Variants in TTC27 observed in about 807,000 individuals in gnomAD.
TTC27 encodes tetratricopeptide repeat domain 27, also known as tetratricopeptide repeat protein 27.
A neutral mutation model predicts 115.9 loss-of-function variants in TTC27; 79 were observed. The observed-to-expected ratio is 0.68, with a 90% CI of 0.57 to 0.82. TTC27 has a LOEUF of 0.82. Ranked by LOEUF, TTC27 falls within the 40% of genes least tolerant of loss-of-function variation. TTC27 has a pLI of 0.00. For missense variants in TTC27, 1,054 were observed against 993.1 expected (o/e 1.06, Z -0.82); for synonymous variants, 401 against 356.0 (o/e 1.13, Z -1.42).
At chr2:32,698,162 C>G (rs1484424651) in intron 9 of TTC27, among the ~76,000 whole-genome samples, 21 of 152,096 alleles carry the variant, frequency 1.4e-4, no homozygotes, top group Admixed American at 1.4e-3. Flanking sequence ...TACAGGGTCT[C>G]ACTCTGTTCA....
At chr2:32,666,405 G>A (rs1665777918) in intron 6 of TTC27, among the ~76,000 whole-genome samples, 1 of 148,502 alleles carries the variant, frequency 6.7e-6, no homozygotes, top group Non-Finnish European at 1.5e-5. Flanking sequence ...GCAAAAATTA[G>A]TATGTGGACT....
chr2:32,758,190 A>C, intron 12 of TTC27, 102 bp from the exon 13 acceptor site: 1 of 1,063,970 alleles, frequency 9.4e-7, no homozygotes, highest in East Asian at 2.5e-5. Context: ...AAACGTTGAA[A>C]ATAAAAATTT....
In TTC27 at chr2:32,630,539, A is replaced by G. The variant is rs1407501714; in HGVS notation, c.105A>G (p.Leu35=). ...GVVGSESGSF[L]QLLLEGNYEA... ...ATATTACAGAGAGTGGATCTTTCCT[A>G]CAATTGCTACTGGAAGGGAACTATG... The change falls in exon 2 of 20, where the codon CTA becomes CTG. Residue 35 remains leucine, a synonymous_variant. Transcript: ENST00000317907. 4 of 1,606,874 alleles carry G rather than the reference A, an allele frequency of 2.5e-6. No individual in the cohort carries two copies. The highest frequency in any genetic ancestry group is 2.5e-6 in the Non-Finnish European group (3 of 1,177,518).
intron 3 of TTC27, 81 bp downstream of exon 3, chr2:32,634,086 A>G: frequency 6.9e-7 from 1 of 1,445,326 alleles, no homozygotes; most frequent in Non-Finnish European, 9.3e-7. Context: ...ACTGGAACTC[A>G]TAGTAGGAAA....
At chr2:32,673,225 A>ATT (rs35513295) in intron 8 of TTC27, among the ~76,000 whole-genome samples, 7,609 of 132,430 alleles carry the variant, frequency 0.057, 341 homozygotes, top group African/African-American at 0.11. Context: ...CACCTTATGC[A>ATT]TTTTTTTTTT....
intron 12 of TTC27, among the ~76,000 whole-genome samples, chr2:32,744,786 C>A (rs1027142464): frequency 1.3e-5 from 2 of 152,066 alleles, no homozygotes; most frequent in African/African-American, 4.8e-5. Context: ...CGTGGTGGCT[C>A]CCGCCTGTAA....
chr2:32,782,883 A>G (rs1208351633), intron 15 of TTC27, among the ~76,000 whole-genome samples: 1 of 152,206 alleles, frequency 6.6e-6, no homozygotes, highest in African/African-American at 2.4e-5. Context: ...AAAACATTTC[A>G]TATGTAATAA....
intron 16 of TTC27, among the ~76,000 whole-genome samples, chr2:32,794,075 C>G (rs6749280): frequency 0.1 from 15,243 of 152,024 alleles, 1,193 homozygotes; most frequent in African/African-American, 0.22. Flanking sequence ...CTCTGTTAGA[C>G]AAGCAGAGAT....
intron 16 of TTC27, among the ~76,000 whole-genome samples, chr2:32,794,526 T>C (rs552207833): frequency 6.6e-6 from 1 of 152,104 alleles, no homozygotes; most frequent in South Asian, 2.1e-4. Flanking sequence ...AACTTAACTT[T>C]ACAACTTAAA....
At chr2:32,657,863 T>G (rs1665386496) in intron 5 of TTC27, among the ~76,000 whole-genome samples, 1 of 152,212 alleles carries the variant, frequency 6.6e-6, no homozygotes, top group Non-Finnish European at 1.5e-5. Context: ...GTTTCACTCT[T>G]TTTTTGCTCA....
chr2:32,752,127 C>G (rs1464183585), intron 12 of TTC27, among the ~76,000 whole-genome samples: 1 of 152,202 alleles, frequency 6.6e-6, no homozygotes. Context: ...CTCTCCCACC[C>G]TGGGTTCTAA....
At chr2:32,697,967 G>T (rs1263661860) in intron 9 of TTC27, among the ~76,000 whole-genome samples, 3 of 152,154 alleles carry the variant, frequency 2.0e-5, no homozygotes, top group Non-Finnish European at 4.4e-5. Context: ...TGGCCAGGCT[G>T]GTCTTGAATT....
intron 11 of TTC27, among the ~76,000 whole-genome samples, chr2:32,735,064 T>C (rs1668406964): frequency 6.6e-6 from 1 of 152,164 alleles, no homozygotes; most frequent in Admixed American, 6.5e-5. Flanking sequence ...TACACATAGG[T>C]AGTGAGTTAG....
At chr2:32,628,457 C>T in intron 1 of TTC27, 77 bp downstream of exon 1, 1 of 1,344,574 alleles carries the variant, frequency 7.4e-7, no homozygotes, top group South Asian at 1.5e-5. Flanking sequence ...TGATTCTCAT[C>T]CCTCCCTTCA....
rs532626551 is a variant in TTC27 at position 32,759,628 on chromosome 2, A to G, written c.1680+1109A>G. On this transcript the variant is annotated intron_variant, in intron 13 of 19. Transcript: ENST00000317907. ...TAAAATTAAATGAAAGTACAGTTCA[A>G]TAGTGTTAGGTACATTCCCATTGTT... 1.2e-3 allele frequency among the ~76,000 whole-genome samples: 188 copies of G among 152,314 alleles called. 1 individual carries two copies. The highest frequency in any genetic ancestry group is 4.2e-3 in the African/African-American group (173 of 41,572).
At chr2:32,644,084 G>A (rs1664754222) in intron 4 of TTC27, among the ~76,000 whole-genome samples, 1 of 151,412 alleles carries the variant, frequency 6.6e-6, no homozygotes, top group South Asian at 2.1e-4. Context: ...GGAAGGCTGA[G>A]GCAGGAGAAT....
chr2:32,811,147 G>C lies in TTC27; in HGVS notation c.2122G>C (p.Asp708His). The change falls in exon 17 of 20, where the codon GAT becomes CAT. Residue 708 changes from aspartate to histidine, a missense_variant. Physicochemically the swap from Asp to His is moderately conservative, Grantham distance 81. Coordinates refer to ENST00000317907, the MANE Select transcript of TTC27 (RefSeq NM_017735.5). ...FGRVTSRVTN[D>H]GEIWRLYAHV... is the part of the protein sequence containing the mutation. ...CAGAGTGACTTCAAGAGTGACAAAT[G>C]ATGGAGAAATCTGGAGGCTGTATGC... 1 of 1,614,174 alleles carries C rather than the reference G, an allele frequency of 6.2e-7. No individual in the cohort carries two copies. The highest frequency in any genetic ancestry group is 8.5e-7 in the Non-Finnish European group (1 of 1,180,026).
At chr2:32,786,515 G>T (rs1670353989) in intron 15 of TTC27, among the ~76,000 whole-genome samples, 9 of 152,034 alleles carry the variant, frequency 5.9e-5, no homozygotes, top group Admixed American at 5.2e-4. Flanking sequence ...TTTCTCACAG[G>T]GTGTAGAATT....
chr2:32,658,262 A>G (rs1382351198), intron 5 of TTC27, among the ~76,000 whole-genome samples: 1 of 152,158 alleles, frequency 6.6e-6, no homozygotes, highest in Admixed American at 6.5e-5. Context: ...ATCTGGGACT[A>G]CAGGAGCGTA....
Sources: allele counts gnomAD v4.1 joint callset (sites outside exome capture counted in the v4.1 genomes callset), GRCh38; gene constraint gnomAD v4.1.1; transcripts MANE v1.5; gene names NCBI Gene and HGNC (gene_info 2026-07-23, HGNC 2026-07-21).